PRRC2A: variants seen among roughly 807,000 people sequenced by gnomAD.
PRRC2A encodes the protein protein PRRC2A.
Under a neutral mutation model 224.6 loss-of-function variants are expected in PRRC2A, and 59 were observed. The ratio of observed to expected loss-of-function variants is 0.26; its 90% CI spans 0.21 to 0.33. The LOEUF (loss-of-function observed/expected upper bound fraction) is 0.33. PRRC2A is among the 10% of genes least tolerant of loss of function. The probability of loss-of-function intolerance (pLI) is 1.00; values close to 1 mark genes in which losing one functional copy is unlikely to be tolerated. For missense variants in PRRC2A, 3,095 were observed against 2,880.7 expected (o/e 1.07, Z -1.70); for synonymous variants, 1,194 against 1,109.5 (o/e 1.08, Z -1.51).
At position 31,627,919 on chromosome 6, in the gene PRRC2A, G is replaced by A. The variant is rs1221489101; in HGVS notation, c.1445G>A (p.Arg482His). The change falls in exon 12 of 31, where the codon CGC (arginine) becomes CAC (histidine). Residue 482 changes from arginine to histidine, a missense_variant. Physicochemically the swap from Arg to His is conservative, Grantham distance 29. Around this residue, in one of 8 missense-constraint regions of PRRC2A, gnomAD observed 2,001 missense variants for 1,764.9 expected, o/e 1.13. Coordinates refer to ENST00000376033, the MANE Select transcript of PRRC2A (RefSeq NM_004638.4). This position sits in a 1 kb window ranked among gnomAD's most constrained non-coding sequence, Gnocchi z 5.6. ...EEEERRMQEERRAACAEKLKR... is the reference protein window; with the variant it reads ...EEEERRMQEEHRAACAEKLKR... The stretch of plus-strand genomic sequence containing the variant: ...GAGGAGCGGCGCATGCAAGAAGAGC[G>A]CCGGGCAGCCTGTGCTGAGAAGCTC... 5 of 1,612,866 alleles carry A rather than the reference G, an allele frequency of 3.1e-6. No individual in the cohort carries two copies. The highest frequency in any genetic ancestry group is 4.2e-6 in the Non-Finnish European group (5 of 1,180,040).
At chr6:31,635,812 G>A in intron 24 of PRRC2A, 63 bp downstream of exon 24, 1 of 1,515,560 alleles carries the variant, frequency 6.6e-7, no homozygotes, top group Non-Finnish European at 8.9e-7. Context: ...TGCCTGGTAT[G>A]TATTTATAAT....
In PRRC2A at chr6:31,637,266, C is replaced by T. The variant is rs1777520807; in HGVS notation, c.6275C>T (p.Ala2092Val). Residue 2092 changes from alanine (A) to valine (V), a missense_variant, in exon 30 of 31, where the codon GCC (alanine) becomes GTC (valine). By Grantham distance (64) the Ala-to-Val change is moderately conservative. Around this residue, in one of 8 missense-constraint regions of PRRC2A, gnomAD observed 662 missense variants for 609.5 expected, o/e 1.09. Transcript: ENST00000376033. ...SFSGLNSRLK[A>V]TPSTYSGVFR... ...TCTGGCCTCAATTCCCGTCTCAAGGCCACGCCTTCCACCTACAGTGGAGTC... is the reference window on the plus strand; with the variant it reads ...TCTGGCCTCAATTCCCGTCTCAAGGTCACGCCTTCCACCTACAGTGGAGTC... 6.2e-7 allele frequency: 1 copy of T among 1,612,544 alleles called. No individual in the cohort carries two copies. The highest frequency in any genetic ancestry group is 8.5e-7 in the Non-Finnish European group (1 of 1,179,550).
chr6:31,629,937 G>A (rs1309109875), intron 14 of PRRC2A, 92 bp downstream of exon 14: 4 of 1,549,398 alleles, frequency 2.6e-6, no homozygotes, highest in East Asian at 4.5e-5. Flanking sequence ...GGTACGATAG[G>A]TTTTGCCCAT....
At position 31,631,325 on chromosome 6, in the gene PRRC2A, G is replaced by T. The variant is rs751449303; in HGVS notation, c.2652G>T (p.Glu884Asp). The change falls in exon 16 of 31, where the codon GAG becomes GAT. Residue 884 changes from glutamate to aspartate, a missense_variant. Around this residue, in one of 8 missense-constraint regions of PRRC2A, gnomAD observed 2,001 missense variants for 1,764.9 expected, o/e 1.13. Transcript: ENST00000376033. The surrounding 1 kb of genome is among the most constrained non-coding windows in gnomAD (Gnocchi z 4.5). ...TACAAACTCCACCACCCAAGAAGGA[G>T]CCCCCTAAGGAGGAGACTGCACAGC... ...AKIQTPPPKKEPPKEETAQLT... is the reference protein window; with the variant it reads ...AKIQTPPPKKDPPKEETAQLT... 8.1e-6 allele frequency: 13 copies of T among 1,602,892 alleles called. No homozygotes were observed. The highest frequency in any genetic ancestry group is 2.7e-5 in the African/African-American group (2 of 74,120).
chr6:31,632,880 G>T lies in PRRC2A; in HGVS notation c.4207G>T (p.Gly1403Cys). The T allele has an allele frequency of 1.9e-6, 3 of 1,613,050 alleles. No individual in the cohort carries two copies. The highest frequency in any genetic ancestry group is 2.5e-6 in the Non-Finnish European group (3 of 1,179,978). The change falls in exon 16 of 31, where the codon GGC (glycine) becomes TGC (cysteine). Residue 1403 changes from glycine (G) to cysteine (C), a missense_variant. Around this residue, in one of 8 missense-constraint regions of PRRC2A, gnomAD observed 2,001 missense variants for 1,764.9 expected, o/e 1.13. Coordinates refer to ENST00000376033, the MANE Select transcript of PRRC2A (RefSeq NM_004638.4). ...GCAGAATCGGCGCCCTGGCCCAGGG[G>T]GCAAGGCTGGCAGCAGTGGCAGCAG... is the stretch of plus-strand genomic sequence containing the variant. ...ERQNRRPGPG[G>C]KAGSSGSSSG...
intron 18 of PRRC2A, 22 bp from the exon 19 acceptor site, chr6:31,634,214 T>C (rs1227204076): frequency 1.3e-6 from 2 of 1,577,832 alleles, no homozygotes; most frequent in South Asian, 1.2e-5. Flanking sequence ...CATGTTTTGC[T>C]TCTGGCCCTT....
intron 14 of PRRC2A, 152 bp downstream of exon 14, chr6:31,629,997 T>C (rs1162209305): frequency 2.6e-5 from 35 of 1,334,372 alleles, no homozygotes; most frequent in Non-Finnish European, 3.5e-5. Flanking sequence ...GATAGCTCTG[T>C]TGCAAAAATG....
Position 31,633,903 on chromosome 6 carries a change from G to A in PRRC2A, c.4633G>A (p.Gly1545Arg). 1.9e-6 allele frequency: 3 copies of A among 1,581,716 alleles called. No homozygotes were observed. Among genetic ancestry groups the A allele is most frequent in the Non-Finnish European group, 2.6e-6 (3 of 1,172,356 alleles). ...EPGPMVRGVGGTPRDSAGVSP... is the reference protein window; with the variant it reads ...EPGPMVRGVGRTPRDSAGVSP... ...GGGGCCAATGGTGAGAGGGGTGGGT[G>A]GGACTCCTCGGGACTCTGCCGGGGT... The change falls in exon 18 of 31, where the codon GGG (glycine) becomes AGG (arginine). Residue 1545 changes from glycine (G) to arginine (R), a missense_variant. Physicochemically the swap from Gly to Arg is moderately radical, Grantham distance 125 (BLOSUM62 -2). Coordinates refer to ENST00000376033, the MANE Select transcript of PRRC2A (RefSeq NM_004638.4).
chr6:31,634,319 A>G lies in PRRC2A; in HGVS notation c.4803A>G (p.Thr1601=), dbSNP rs767431580. The part of the protein sequence containing the change: ...GPGPQAESRD[T]GTEALTPHIW... ...GCCCTCAGGCAGAGTCCAGAGATACAGGCACAGAGGCCCTGACCCCTCACA... is the reference window on the plus strand; with the variant it reads ...GCCCTCAGGCAGAGTCCAGAGATACGGGCACAGAGGCCCTGACCCCTCACA... The change falls in exon 19 of 31, where the codon ACA becomes ACG. Residue 1601 remains threonine (T), a synonymous_variant. Coordinates refer to ENST00000376033, the MANE Select transcript of PRRC2A (RefSeq NM_004638.4). The G allele has an allele frequency of 6.2e-7, 1 of 1,612,860 alleles. No homozygotes were observed. The highest frequency in any genetic ancestry group is 8.5e-7 in the Non-Finnish European group (1 of 1,179,980).
Position 31,626,621 on chromosome 6 carries a change from G to A in PRRC2A, c.983-151G>A, listed in dbSNP as rs558009840. The A allele has an allele frequency of 5.9e-6, 4 of 681,432 alleles. No individual in the cohort carries two copies. The African/African-American group carries it at 7.2e-5, about 12-fold the overall frequency. The allele number at this position is 681,432 out of a possible 1,614,324, so 42.2% of individuals were successfully genotyped here. On this transcript the variant is annotated intron_variant, in intron 9 of 30. Transcript: ENST00000376033. The stretch of plus-strand genomic sequence containing the variant: ...ACCAAGTCCTTGCAAAGTGGTGAGA[G>A]GAGTAAGAATGACAAGACTTCATTG...
rs945143370 is a variant in PRRC2A, at chr6:31,627,179, G to C, written c.1271G>C (p.Gly424Ala). 42 of 1,610,448 alleles carry C rather than the reference G, an allele frequency of 2.6e-5. No homozygotes were observed. The highest frequency in any genetic ancestry group is 8.0e-5 in the African/African-American group (6 of 74,806). The change falls in exon 11 of 31, where the codon GGC (glycine) becomes GCC (alanine). Residue 424 changes from glycine to alanine, a missense_variant. Physicochemically the swap from Gly to Ala is moderately conservative, Grantham distance 60 (BLOSUM62 0). Around this residue, in one of 8 missense-constraint regions of PRRC2A, gnomAD observed 2,001 missense variants for 1,764.9 expected, o/e 1.13. Coordinates refer to ENST00000376033, the MANE Select transcript of PRRC2A (RefSeq NM_004638.4). The surrounding 1 kb of genome is among the most constrained non-coding windows in gnomAD (Gnocchi z 5.6). Reference protein sequence around the residue: ...PPHRGPAGNWGPPGDYPDRGG... With the variant: ...PPHRGPAGNWAPPGDYPDRGG... Reference sequence around the variant, plus strand: ...CACCGGGGCCCCGCCGGGAACTGGGGCCCCCCTGGGGACTACCCAGTGAGT... The same window carrying C: ...CACCGGGGCCCCGCCGGGAACTGGGCCCCCCCTGGGGACTACCCAGTGAGT...
chr6:31,625,921 G>A lies in PRRC2A; in HGVS notation c.839+50G>A. 6.3e-7 allele frequency: 1 copy of A among 1,581,048 alleles called. No individual in the cohort carries two copies. ...TGGCTGGGGGCAGGGGAAGCTTATT[G>A]GGGGAGGAGATGGTTTTCTAGCCAG... is the stretch of plus-strand genomic sequence containing the variant. On this transcript the variant is annotated intron_variant, in intron 8 of 30. Coordinates refer to ENST00000376033, the MANE Select transcript of PRRC2A (RefSeq NM_004638.4). This position sits in a 1 kb window ranked among gnomAD's most constrained non-coding sequence, Gnocchi z 4.1.
rs1776600154 is a variant in PRRC2A, at chr6:31,631,660, A to C, written c.2987A>C (p.Glu996Ala). The change falls in exon 16 of 31, where the codon GAG becomes GCG. Residue 996 changes from glutamate to alanine, a missense_variant. This residue lies in a region of PRRC2A where 2,001 missense variants were observed against 1,764.9 expected (regional missense o/e 1.13). Transcript: ENST00000376033. The surrounding 1 kb of genome is among the most constrained non-coding windows in gnomAD (Gnocchi z 4.5). ...AAGGGGAAGCTAGGGGGCCCCAAGGAGACCCCACCCAATGGAAATCTTTCC... is the reference window on the plus strand; with the variant it reads ...AAGGGGAAGCTAGGGGGCCCCAAGGCGACCCCACCCAATGGAAATCTTTCC... ...ITKGKLGGPK[E>A]TPPNGNLSPA... 1 of 1,515,606 alleles carries C rather than the reference A, an allele frequency of 6.6e-7. No individual in the cohort carries two copies. The highest frequency in any genetic ancestry group is 8.8e-7 in the Non-Finnish European group (1 of 1,134,072). 93.9% of individuals were successfully genotyped at this position (1,515,606 alleles called of 1,614,324 possible). A position where few individuals can be genotyped will look rare whatever the true frequency, so the allele number is the denominator to read the frequency against.
Position 31,636,804 on chromosome 6 carries a change from T to G in PRRC2A, c.6006T>G (p.Pro2002=), listed in dbSNP as rs1777405223. ...GCTCCCTGCCGCCAGCACCACCTCCTGCCCCACCTCCCCTTTCTCTGTTAC... is the reference window on the plus strand; with the variant it reads ...GCTCCCTGCCGCCAGCACCACCTCCGGCCCCACCTCCCCTTTCTCTGTTAC... ...NFGSLPPAPP[P]APPPLSLLPV... is the part of the protein sequence containing the mutation. The change falls in exon 28 of 31, where the codon CCT becomes CCG. Residue 2002 remains proline, a synonymous_variant. Coordinates refer to ENST00000376033, the MANE Select transcript of PRRC2A (RefSeq NM_004638.4). This position sits in a 1 kb window ranked among gnomAD's most constrained non-coding sequence, Gnocchi z 4.3. The G allele has an allele frequency of 8.1e-6, 13 of 1,609,806 alleles. No individual in the cohort carries two copies. The highest frequency in any genetic ancestry group is 1.1e-5 in the Non-Finnish European group (13 of 1,180,008).
rs897080888 is a variant in PRRC2A, at chr6:31,634,299, C to G, written c.4783C>G (p.Gln1595Glu). 4 of 1,612,362 alleles carry G rather than the reference C, an allele frequency of 2.5e-6. No individual in the cohort carries two copies. In the Admixed American group the frequency reaches 5.0e-5, roughly 20 times the overall value. The change falls in exon 19 of 31, where the codon CAG (glutamine) becomes GAG (glutamate). Residue 1595 changes from glutamine to glutamate, a missense_variant. Around this residue, in one of 8 missense-constraint regions of PRRC2A, gnomAD observed 2,001 missense variants for 1,764.9 expected, o/e 1.13. Transcript: ENST00000376033. ...CTCTAAGCCTGAGGGCCCAGGCCCT[C>G]AGGCAGAGTCCAGAGATACAGGCAC... ...LGSKPEGPGP[Q>E]AESRDTGTEA...
chr6:31,626,934 G>A (rs763468162), intron 10 of PRRC2A, 48 bp from the exon 11 acceptor site: 4 of 1,613,098 alleles, frequency 2.5e-6, no homozygotes, highest in Middle Eastern at 1.7e-4. Context: ...TCTTAGAGGA[G>A]TATATTAGTT....
intron 9 of PRRC2A, among the ~76,000 whole-genome samples, chr6:31,626,500 T>G: frequency 6.6e-6 from 1 of 150,668 alleles, no homozygotes; most frequent in South Asian, 2.1e-4. Flanking sequence ...GAGGTCACAG[T>G]GAGCTATGAT....
Position 31,631,121 on chromosome 6 carries a change from T to G in PRRC2A, c.2466-18T>G, listed in dbSNP as rs1198650772. 2.7e-6 allele frequency: 4 copies of G among 1,467,162 alleles called. No individual in the cohort carries two copies. Among genetic ancestry groups the G allele is most frequent in the Admixed American group, 2.3e-5 (1 of 43,588 alleles). The allele number at this position is 1,467,162 out of a possible 1,614,324, so 90.9% of individuals were successfully genotyped here. ...TTCCTGAGATACTTATTTCCATTCT[T>G]TCTGTCTGTCTCTTCAGGAGCGAGA... On this transcript the variant is annotated intron_variant, in intron 15 of 30. Coordinates refer to ENST00000376033, the MANE Select transcript of PRRC2A (RefSeq NM_004638.4). The surrounding 1 kb of genome is among the most constrained non-coding windows in gnomAD (Gnocchi z 4.5).
At chr6:31,628,561 C>T (rs1207100971) in intron 12 of PRRC2A, 4 of 398,464 alleles carry the variant, frequency 1.0e-5, no homozygotes, top group East Asian at 4.2e-5. Flanking sequence ...AAGACCCTGT[C>T]GGCCAGGCAT....
Sources: gnomAD v4.1 joint callset for allele counts (sites outside exome capture counted in the v4.1 genomes callset) on GRCh38, gnomAD v4.1.1 for gene constraint, gnomAD v4.1.1 regional missense constraint, Gnocchi (gnomAD v3.1) non-coding constraint, MANE v1.5 for transcripts, NCBI Gene and HGNC (gene_info 2026-07-23, HGNC 2026-07-21) for gene names.